EDIL3: variants seen among roughly 807,000 people sequenced by gnomAD.
EDIL3 encodes EGF like and discoidin domains 3, also known as EGF-like repeat and discoidin I-like domain-containing protein 3.
In EDIL3, 37 loss-of-function variants were observed where a neutral mutation model predicts 67.4. The ratio of observed to expected loss-of-function variants is 0.55; its 90% confidence interval spans 0.42 to 0.72. The LOEUF is 0.72. EDIL3 is among the 30% of genes least tolerant of loss of function. EDIL3 has a pLI of 0.00. For synonymous variants in EDIL3, 195 were observed against 196.3 expected (o/e 0.99, Z 0.05); for missense variants, 527 against 586.3 (o/e 0.90, Z 1.04).
intron 1 of EDIL3, among the ~76,000 whole-genome samples, chr5:84,350,445 T>C (rs1747330934): frequency 6.6e-6 from 1 of 151,998 alleles, no homozygotes; most frequent in African/African-American, 2.4e-5. Context: ...AGTAGCATGG[T>C]TTTGCATCCA....
intron 10 of EDIL3, among the ~76,000 whole-genome samples, chr5:83,957,814 C>T (rs1288059980): frequency 6.6e-6 from 1 of 151,600 alleles, no homozygotes; most frequent in Admixed American, 6.6e-5. Flanking sequence ...AATTTTTCCA[C>T]CTTTACTGAG....
At chr5:84,095,104 A>G (rs1223639978) in intron 6 of EDIL3, among the ~76,000 whole-genome samples, 1 of 152,102 alleles carries the variant, frequency 6.6e-6, no homozygotes, top group Non-Finnish European at 1.5e-5. Flanking sequence ...TATTTTATTT[A>G]TTTATATTTT....
At chr5:83,995,873 T>C (rs1051735760) in intron 9 of EDIL3, among the ~76,000 whole-genome samples, 5 of 152,216 alleles carry the variant, frequency 3.3e-5, no homozygotes, top group Middle Eastern at 3.2e-3. Context: ...TTGACAGACA[T>C]ATTTTTTATC....
At chr5:84,050,314 G>A (rs1000189396) in intron 9 of EDIL3, among the ~76,000 whole-genome samples, 1 of 151,664 alleles carries the variant, frequency 6.6e-6, no homozygotes, top group Non-Finnish European at 1.5e-5. Context: ...ACAATAGAAT[G>A]TTAAAATGAG....
intron 9 of EDIL3, chr5:84,047,690 T>C (rs963177211): frequency 3.3e-5 from 5 of 152,084 alleles, no homozygotes; most frequent in Non-Finnish European, 5.9e-5. Flanking sequence ...GCTGATCTTT[T>C]TTTGTAGTAT....
intron 6 of EDIL3, among the ~76,000 whole-genome samples, chr5:84,096,166 C>A (rs1282406689): frequency 6.6e-6 from 1 of 152,290 alleles, no homozygotes; most frequent in Admixed American, 6.5e-5. Flanking sequence ...AGAGCCCCCA[C>A]ACAGAGTCCC....
At chr5:84,335,142 G>A (rs530184327) in intron 1 of EDIL3, among the ~76,000 whole-genome samples, 1 of 152,182 alleles carries the variant, frequency 6.6e-6, no homozygotes, top group African/African-American at 2.4e-5. Flanking sequence ...TCTTTGGTTT[G>A]TGATTTTGTT....
At chr5:83,998,807 G>C (rs1745277467) in intron 9 of EDIL3, among the ~76,000 whole-genome samples, 1 of 152,166 alleles carries the variant, frequency 6.6e-6, no homozygotes, top group Non-Finnish European at 1.5e-5. Flanking sequence ...GGCAATAGTT[G>C]CTACAGGCCT....
rs538631254 is a variant in EDIL3, at chr5:84,148,121, A to G, written c.356-10767T>C. The stretch of plus-strand genomic sequence containing the variant: ...GTAAATTATGAGAAAAATATCTTGT[A>G]AACTTTAAAGACTGCAAATATAACT... On this transcript the variant is annotated intron_variant, in intron 4 of 10. Coordinates refer to ENST00000296591, the MANE Select transcript of EDIL3 (RefSeq NM_005711.5). Among the ~76,000 whole-genome samples the G allele has an allele frequency of 5.9e-5, 9 of 152,288 alleles. No individual in the cohort carries two copies. In the East Asian group the frequency reaches 1.7e-3, roughly 29 times the overall value.
intron 9 of EDIL3, among the ~76,000 whole-genome samples, chr5:83,975,438 T>A (rs1744861821): frequency 1.3e-5 from 2 of 151,952 alleles, no homozygotes; most frequent in Admixed American, 6.6e-5. Flanking sequence ...TTAAACTTAT[T>A]TTTTTGCATA....
chr5:84,261,236 T>C (rs1341780880), intron 1 of EDIL3, among the ~76,000 whole-genome samples: 1 of 152,204 alleles, frequency 6.6e-6, no homozygotes, highest in Non-Finnish European at 1.5e-5. Flanking sequence ...CATACTCAAA[T>C]TGGTAAAACT....
intron 3 of EDIL3, among the ~76,000 whole-genome samples, chr5:84,220,522 T>C (rs3776901): frequency 0.34 from 51,978 of 151,948 alleles, 9,454 homozygotes; most frequent in African/African-American, 0.48. Flanking sequence ...TAGCAAAGTA[T>C]AGAAAAATAA....
Position 84,220,858 on chromosome 5 carries a change from G to C in EDIL3, c.226+8997C>G, listed in dbSNP as rs1468337843. On this transcript the variant is annotated intron_variant, in intron 3 of 10. Coordinates refer to ENST00000296591, the MANE Select transcript of EDIL3 (RefSeq NM_005711.5). The stretch of plus-strand genomic sequence containing the variant: ...TGTGCCCTCTCTGGTCATGCATAAG[G>C]ATGCATATGGCCACAGTAGCTGTTG... 3.3e-5 allele frequency among the ~76,000 whole-genome samples: 5 copies of C among 152,152 alleles called. No individual in the cohort carries two copies. The East Asian group carries it at 9.7e-4, about 29-fold the overall frequency.
At chr5:84,358,772 G>A (rs1169979797) in intron 1 of EDIL3, among the ~76,000 whole-genome samples, 2 of 151,692 alleles carry the variant, frequency 1.3e-5, no homozygotes, top group East Asian at 3.9e-4. Flanking sequence ...ACAAGGCCCG[G>A]CTAATTTTTT....
chr5:84,162,275 G>A (rs150169430), intron 4 of EDIL3, among the ~76,000 whole-genome samples: 79 of 152,234 alleles, frequency 5.2e-4, no homozygotes, highest in African/African-American at 1.9e-3. Flanking sequence ...GAGAGGAGTG[G>A]TTCCAGAAGA....
intron 6 of EDIL3, among the ~76,000 whole-genome samples, chr5:84,091,802 A>C (rs140873746): frequency 1.9e-4 from 29 of 152,370 alleles, no homozygotes; most frequent in African/African-American, 6.7e-4. Context: ...ATGCTCTTGC[A>C]AGAAGCCCTG....
At chr5:83,961,462 T>A (rs1313358676) in intron 10 of EDIL3, among the ~76,000 whole-genome samples, 1 of 151,270 alleles carries the variant, frequency 6.6e-6, no homozygotes, top group African/African-American at 2.4e-5. Flanking sequence ...ATTACTCACA[T>A]ATGAAATCAC....
At chr5:84,038,705 G>C (rs1746067362) in intron 9 of EDIL3, among the ~76,000 whole-genome samples, 1 of 152,212 alleles carries the variant, frequency 6.6e-6, no homozygotes. Flanking sequence ...AGCTGCTGTG[G>C]AAAAATCCAG....
chr5:84,223,398 T>G (rs1200660219), intron 3 of EDIL3, among the ~76,000 whole-genome samples: 1 of 147,714 alleles, frequency 6.8e-6, no homozygotes, highest in Non-Finnish European at 1.5e-5. Context: ...GTCCATTGAT[T>G]AATTAATAGA....
Sources: gnomAD v4.1 joint callset for allele counts (sites outside exome capture counted in the v4.1 genomes callset) on GRCh38, gnomAD v4.1.1 for gene constraint, MANE v1.5 for transcripts, NCBI Gene and HGNC (gene_info 2026-07-23, HGNC 2026-07-21) for gene names.